DOCK8: variants seen among roughly 807,000 people sequenced by gnomAD.
DOCK8 encodes dedicator of cytokinesis 8, also known as dedicator of cytokinesis protein 8.
A neutral mutation model predicts 245.6 loss-of-function variants in DOCK8; 141 were observed. The ratio of observed to expected loss-of-function variants is 0.57; its 90% CI spans 0.50 to 0.66. The LOEUF is 0.66. Among genes scored for constraint, DOCK8 ranks in the 30% least tolerant of loss-of-function variants. The pLI, the probability that DOCK8 is intolerant of heterozygous loss-of-function variation, is 0.00. For synonymous variants in DOCK8, 1,168 were observed against 970.2 expected (o/e 1.20, Z -3.79); for missense variants, 2,965 against 2,603.4 (o/e 1.14, Z -3.02).
intron 47 of DOCK8, among the ~76,000 whole-genome samples, chr9:463,954 T>C (rs573880846): frequency 2.6e-5 from 4 of 152,298 alleles, no homozygotes; most frequent in African/African-American, 9.6e-5. Context: ...GTTGGTTTTT[T>C]TGTTTGTTTG....
Position 400,971 on chromosome 9 carries a change from C to CCACCAT in DOCK8, c.3234+1718_3234+1723dup, listed in dbSNP as rs1373521131. On this transcript the variant is annotated intron_variant, in intron 26 of 47. Transcript: ENST00000432829. The stretch of plus-strand genomic sequence containing the variant: ...ATCACCACCACCACCACCACCTCCT[C>CCACCAT]CACCATCACCACCTCCTCCACCACC... 4.2e-5 allele frequency among the ~76,000 whole-genome samples: 6 copies of CCACCAT among 141,506 alleles called. No individual in the cohort carries two copies. In the East Asian group the frequency reaches 6.9e-4, roughly 16 times the overall value. 92.8% of individuals were successfully genotyped at this position (141,506 alleles called of 152,430 possible).
In DOCK8 at chr9:312,004, C is replaced by A. The variant is rs1053824283; in HGVS notation, c.579C>A (p.Pro193=). ...TGTGCGACGTGTCTGGGAAAGGCCC[C>A]GTCACTGCCTGTGACTTTGACCTCC... is the stretch of plus-strand genomic sequence containing the variant. ...NVLCDVSGKG[P]VTACDFDLRS... is the part of the protein sequence containing the mutation. The change falls in exon 6 of 48, where the codon CCC becomes CCA. Residue 193 remains proline, a synonymous_variant. Coordinates refer to ENST00000432829, the MANE Select transcript of DOCK8 (RefSeq NM_203447.4). The A allele has an allele frequency of 6.2e-7, 1 of 1,614,062 alleles. No homozygotes were observed.
chr9:382,820 G>C (rs1483980614), intron 22 of DOCK8, 135 bp downstream of exon 22: 1 of 1,153,648 alleles, frequency 8.7e-7, no homozygotes, highest in African/African-American at 1.5e-5. Context: ...CAGCTTTGGA[G>C]TGATTAACGT....
chr9:367,222 A>T, intron 14 of DOCK8, among the ~76,000 whole-genome samples: 1 of 152,346 alleles, frequency 6.6e-6, no homozygotes, highest in Admixed American at 6.5e-5. Flanking sequence ...TGTTTCTTCA[A>T]GCCAGGAATA....
intron 2 of DOCK8, among the ~76,000 whole-genome samples, chr9:272,275 T>C (rs1166068459): frequency 6.6e-6 from 1 of 152,146 alleles, no homozygotes; most frequent in African/African-American, 2.4e-5. Flanking sequence ...CAGCGCGCTT[T>C]TACAATCTCC....
At chr9:229,353 G>A (rs2047056436) in intron 1 of DOCK8, among the ~76,000 whole-genome samples, 1 of 152,208 alleles carries the variant, frequency 6.6e-6, no homozygotes, top group Non-Finnish European at 1.5e-5. Context: ...AGTGAGTCAT[G>A]CTTTGTGAGA....
chr9:304,681 G>C lies in DOCK8; in HGVS notation c.505G>C (p.Glu169Gln), dbSNP rs2049729480. The C allele has an allele frequency of 2.5e-6, 4 of 1,614,166 alleles. No homozygotes were observed. Among genetic ancestry groups the C allele is most frequent in the Non-Finnish European group, 3.4e-6 (4 of 1,180,024 alleles). ...ACAGACGTTTGAGTCGGAAACCTTG[G>C]AGTGCAGTGAACCCGCTGCTCAGGT... ...PKQTFESETL[E>Q]CSEPAAQAGP... Residue 169 changes from glutamate (E) to glutamine (Q), a missense_variant, in exon 5 of 48, where the codon GAG becomes CAG. Physicochemically the swap from Glu to Gln is conservative, Grantham distance 29. Transcript: ENST00000432829.
chr9:400,086 C>T (rs2054732022), intron 26 of DOCK8, among the ~76,000 whole-genome samples: 1 of 123,272 alleles, frequency 8.1e-6, no homozygotes, highest in Admixed American at 8.1e-5. Context: ...TCACCACCAC[C>T]TCCACCATCA....
At chr9:413,015 A>G (rs140912490) in intron 28 of DOCK8, among the ~76,000 whole-genome samples, 1 of 152,190 alleles carries the variant, frequency 6.6e-6, no homozygotes, top group Non-Finnish European at 1.5e-5. Flanking sequence ...AAAACTTACT[A>G]CAAAGCAAAA....
chr9:319,313 A>G (rs2050482848), intron 7 of DOCK8, among the ~76,000 whole-genome samples: 1 of 152,216 alleles, frequency 6.6e-6, no homozygotes, highest in South Asian at 2.1e-4. Flanking sequence ...TCACTTGAAT[A>G]TCTCTTAATG....
intron 39 of DOCK8, among the ~76,000 whole-genome samples, chr9:436,206 A>T (rs2056897280): frequency 6.6e-6 from 1 of 152,248 alleles, no homozygotes; most frequent in Non-Finnish European, 1.5e-5. Flanking sequence ...CCTCAAGAAC[A>T]AAAATAGTCA....
chr9:265,986 C>G (rs1789411378), intron 1 of DOCK8, among the ~76,000 whole-genome samples: 1 of 152,116 alleles, frequency 6.6e-6, no homozygotes, highest in Non-Finnish European at 1.5e-5. Flanking sequence ...CTTCTAGACA[C>G]ATATTTTATA....
At chr9:249,106 G>T (rs919250999) in intron 1 of DOCK8, among the ~76,000 whole-genome samples, 1 of 152,156 alleles carries the variant, frequency 6.6e-6, no homozygotes, top group African/African-American at 2.4e-5. Flanking sequence ...CCTCACCTGG[G>T]ACTGCATATA....
chr9:278,913 T>G (rs1346847773), intron 2 of DOCK8, among the ~76,000 whole-genome samples: 1 of 152,166 alleles, frequency 6.6e-6, no homozygotes, highest in Non-Finnish European at 1.5e-5. Flanking sequence ...TGGAACCATT[T>G]GACTTTTTAT....
chr9:236,005 G>C (rs2131392147), intron 1 of DOCK8, among the ~76,000 whole-genome samples: 1 of 152,320 alleles, frequency 6.6e-6, no homozygotes. Context: ...CACGCTGGGA[G>C]CTGTAGACTG....
intron 34 of DOCK8, among the ~76,000 whole-genome samples, chr9:427,489 G>T (rs2056545009): frequency 6.6e-6 from 1 of 152,180 alleles, no homozygotes. Flanking sequence ...CATCCCTGCT[G>T]TAGAAAAATA....
intron 14 of DOCK8, among the ~76,000 whole-genome samples, chr9:363,243 C>A (rs1402960836): frequency 1.3e-5 from 2 of 152,178 alleles, no homozygotes; most frequent in African/African-American, 2.4e-5. Flanking sequence ...AAATGCCTGG[C>A]ACATACACTG....
intron 3 of DOCK8, among the ~76,000 whole-genome samples, chr9:289,060 C>T (rs1414265172): frequency 6.6e-6 from 1 of 152,186 alleles, no homozygotes; most frequent in African/African-American, 2.4e-5. Context: ...TTTGCAATTT[C>T]ATCAAAGCAT....
intron 30 of DOCK8, chr9:420,070 G>A (rs1043832584): frequency 1.0e-5 from 4 of 382,954 alleles, no homozygotes; most frequent in African/African-American, 8.2e-5. Context: ...TTGTATCACT[G>A]GGATTGCAGC....
Sources: allele counts gnomAD v4.1 joint callset (sites outside exome capture counted in the v4.1 genomes callset), GRCh38; gene constraint gnomAD v4.1.1; transcripts MANE v1.5; gene names NCBI Gene and HGNC (gene_info 2026-07-23, HGNC 2026-07-21).